The following DCC variants were observed in gnomAD, a reference collection of about 807,000 sequenced individuals.
DCC encodes netrin receptor DCC.
In DCC, 58 loss-of-function variants were observed where a neutral mutation model predicts 172.5. The ratio of observed to expected loss-of-function variants is 0.34; its 90% CI spans 0.27 to 0.42. The LOEUF (loss-of-function observed/expected upper bound fraction) is 0.42, where lower values mean the gene tolerates loss of function less well. DCC is among the 10% of genes least tolerant of loss of function. DCC has a pLI of 1.00. For synonymous variants in DCC, 709 were observed against 644.5 expected, an observed-to-expected ratio of 1.10 and a Z score of -1.52; for missense variants, 1,740 against 1,791.0, an observed-to-expected ratio of 0.97 and a Z score of 0.51.
At chr18:53,061,712 T>A (rs1437827225) in intron 5 of DCC, among the ~76,000 whole-genome samples, 1 of 152,130 alleles carries the variant, frequency 6.6e-6, no homozygotes, top group Non-Finnish European at 1.5e-5. Context: ...TCAGACTGTC[T>A]GGCTTCATAA....
intron 5 of DCC, among the ~76,000 whole-genome samples, chr18:53,040,388 G>A (rs1270705124): frequency 2.0e-5 from 3 of 151,938 alleles, no homozygotes; most frequent in Non-Finnish European, 4.4e-5. Flanking sequence ...TTCTCAAAGT[G>A]TGATTTAGGA....
chr18:52,557,805 A>G (rs1360023699), intron 1 of DCC, among the ~76,000 whole-genome samples: 1 of 152,132 alleles, frequency 6.6e-6, no homozygotes, highest in African/African-American at 2.4e-5. Flanking sequence ...GATTACAGGC[A>G]TCCACCACCA....
chr18:52,363,300 G>C (rs2879423), intron 1 of DCC, among the ~76,000 whole-genome samples: 59,029 of 152,046 alleles, frequency 0.39, 13,263 homozygotes, highest in East Asian at 0.6. Context: ...TGTAATTGAT[G>C]GGTTCTGTTT....
intron 1 of DCC, among the ~76,000 whole-genome samples, chr18:52,475,480 G>A (rs1035645327): frequency 1.1e-4 from 16 of 152,122 alleles, no homozygotes; most frequent in African/African-American, 3.4e-4. Flanking sequence ...GAAACAGGAA[G>A]GAATGGAGTT....
At chr18:52,378,019 T>C (rs564337202) in intron 1 of DCC, among the ~76,000 whole-genome samples, 97 of 152,174 alleles carry the variant, frequency 6.4e-4, no homozygotes, top group Non-Finnish European at 9.7e-4. Context: ...CTTTTTTTTC[T>C]TTTTTCCCTT....
chr18:53,176,010 C>G (rs1220787004), intron 8 of DCC, among the ~76,000 whole-genome samples: 3 of 151,016 alleles, frequency 2.0e-5, no homozygotes, highest in Non-Finnish European at 4.4e-5. Context: ...ACAGAGCCCT[C>G]AGAAATAACG....
At chr18:52,815,411 T>TACACACACACACACACACAC (rs34924244) in intron 2 of DCC, among the ~76,000 whole-genome samples, 70 of 150,112 alleles carry the variant, frequency 4.7e-4, no homozygotes, top group African/African-American at 1.6e-3. Context: ...TTCTCACACG[T>TACACACACACACACACACAC]ACACACACAC....
chr18:53,148,229 G>A lies in DCC; in HGVS notation c.1262-9127G>A, dbSNP rs922846127. Among the ~76,000 whole-genome samples the A allele has an allele frequency of 9.2e-5, 14 of 152,284 alleles. 1 individual carries two copies. Among genetic ancestry groups the A allele is most frequent in the Admixed American group, 5.2e-4 (8 of 15,298 alleles). On this transcript the variant is annotated intron_variant, in intron 7 of 28. Coordinates refer to ENST00000442544, the MANE Select transcript of DCC (RefSeq NM_005215.4). The stretch of plus-strand genomic sequence containing the variant: ...TCAGCAACGCATGTGTTCTTTAGAC[G>A]TTCTTCACCGGCAGAGGACAGGATT...
At chr18:52,378,226 C>T (rs1433685424) in intron 1 of DCC, among the ~76,000 whole-genome samples, 2 of 151,862 alleles carry the variant, frequency 1.3e-5, no homozygotes, top group African/African-American at 2.4e-5. Context: ...TCATAATTAT[C>T]CCAATGGAAA....
intron 1 of DCC, among the ~76,000 whole-genome samples, chr18:52,387,092 A>T (rs988911012): frequency 1.3e-5 from 2 of 152,190 alleles, no homozygotes; most frequent in Non-Finnish European, 2.9e-5. Context: ...TGTCTTTCTC[A>T]TATTTTCTTA....
At chr18:52,705,950 T>TTTTATGTCTG (rs1766581999) in intron 1 of DCC, among the ~76,000 whole-genome samples, 1 of 152,184 alleles carries the variant, frequency 6.6e-6, no homozygotes, top group Non-Finnish European at 1.5e-5. Context: ...TTCAAATTCA[T>TTTTATGTCTG]TATGTTAACA....
At chr18:53,078,232 A>G (rs2042748713) in intron 7 of DCC, among the ~76,000 whole-genome samples, 1 of 152,156 alleles carries the variant, frequency 6.6e-6, no homozygotes, top group African/African-American at 2.4e-5. Flanking sequence ...TTGAGACTGC[A>G]GTGAAATATG....
chr18:52,639,333 G>A (rs2144896545), intron 1 of DCC, among the ~76,000 whole-genome samples: 3 of 151,950 alleles, frequency 2.0e-5, no homozygotes, highest in Middle Eastern at 6.8e-3. Context: ...AAATGAAATT[G>A]AAACAAACAA....
At chr18:52,720,974 C>A (rs2036465464) in intron 1 of DCC, among the ~76,000 whole-genome samples, 1 of 152,124 alleles carries the variant, frequency 6.6e-6, no homozygotes, top group South Asian at 2.1e-4. Context: ...CAGCCGAAGC[C>A]CTCTTGTCTG....
intron 3 of DCC, among the ~76,000 whole-genome samples, chr18:52,914,630 GT>G (rs1228967299): frequency 1.4e-5 from 2 of 145,712 alleles, no homozygotes; most frequent in Non-Finnish European, 3.0e-5. Flanking sequence ...GATTAGGCTG[GT>G]TTTTCAATAA....
At chr18:53,192,267 G>C (rs563896301) in intron 9 of DCC, among the ~76,000 whole-genome samples, 3 of 152,244 alleles carry the variant, frequency 2.0e-5, no homozygotes, top group African/African-American at 7.2e-5. Flanking sequence ...GTATTGTCAA[G>C]GTCAGATGTG....
At chr18:53,063,046 T>G (rs1027725825) in intron 5 of DCC, among the ~76,000 whole-genome samples, 31 of 148,666 alleles carry the variant, frequency 2.1e-4, no homozygotes, top group Admixed American at 5.5e-4. Flanking sequence ...ATTATGTATG[T>G]TTTTTTTTTC....
chr18:53,229,535 A>G (rs1427093090), intron 12 of DCC, among the ~76,000 whole-genome samples: 1 of 152,058 alleles, frequency 6.6e-6, no homozygotes, highest in Non-Finnish European at 1.5e-5. Context: ...GAAAATACAC[A>G]TCTCCTCCCA....
In DCC at chr18:52,787,285, A is replaced by G. The variant is rs560487944; in HGVS notation, c.412+34911A>G. 2.0e-5 allele frequency among the ~76,000 whole-genome samples: 3 copies of G among 152,232 alleles called. No individual in the cohort carries two copies. In the East Asian group the frequency reaches 5.8e-4, roughly 29 times the overall value. ...CTCTATTCCAATGTTACAATCTTCAAAACTATTGAAAACCTGCATTTGCAA... is the reference window on the plus strand; with the variant it reads ...CTCTATTCCAATGTTACAATCTTCAGAACTATTGAAAACCTGCATTTGCAA... On this transcript the variant is annotated intron_variant, in intron 2 of 28. Coordinates refer to ENST00000442544, the MANE Select transcript of DCC (RefSeq NM_005215.4).
Sources: gnomAD v4.1 joint callset for allele counts (sites outside exome capture counted in the v4.1 genomes callset) on GRCh38, gnomAD v4.1.1 for gene constraint, MANE v1.5 for transcripts, NCBI Gene and HGNC (gene_info 2026-07-23, HGNC 2026-07-21) for gene names.